NHLRC2: variants seen among roughly 807,000 people sequenced by gnomAD.
NHLRC2 encodes NHL repeat containing 2.
In NHLRC2, 33 loss-of-function variants were observed where a neutral mutation model predicts 68.1. That is an observed-to-expected ratio of 0.48 (90% confidence interval 0.37 to 0.65). The LOEUF is 0.65. Among genes scored for constraint, NHLRC2 ranks in the 30% least tolerant of loss-of-function variants. The probability of loss-of-function intolerance (pLI) is 0.00; values close to 1 mark genes in which losing one functional copy is unlikely to be tolerated. For synonymous variants in NHLRC2, 311 were observed against 309.6 expected (o/e 1.00, Z -0.05); for missense variants, 761 against 853.8 (o/e 0.89, Z 1.35).
At chr10:113,871,710 G>A (rs575065483) in intron 2 of NHLRC2, among the ~76,000 whole-genome samples, 44 of 152,234 alleles carry the variant, frequency 2.9e-4, no homozygotes, top group African/African-American at 1.1e-3. Flanking sequence ...GAATCTATCT[G>A]TGCTACTTCT....
intron 6 of NHLRC2, among the ~76,000 whole-genome samples, chr10:113,899,855 G>A (rs1452542513): frequency 6.6e-6 from 1 of 152,038 alleles, no homozygotes; most frequent in African/African-American, 2.4e-5. Flanking sequence ...GAGGCGGAAG[G>A]TTGCAGTGAG....
At chr10:113,883,592 A>G (rs1413897153) in intron 4 of NHLRC2, among the ~76,000 whole-genome samples, 4 of 151,832 alleles carry the variant, frequency 2.6e-5, no homozygotes, top group Non-Finnish European at 5.9e-5. Flanking sequence ...TGTTGGGGAG[A>G]GGGTCTCAGG....
chr10:113,877,247 CTTT>C (rs758830632), intron 3 of NHLRC2, among the ~76,000 whole-genome samples: 4 of 140,812 alleles, frequency 2.8e-5, no homozygotes, highest in Non-Finnish European at 3.1e-5. Flanking sequence ...TATATTCTAT[CTTT>C]TTTTTTTTTT....
At chr10:113,907,008 A>T (rs570433914) in intron 10 of NHLRC2, among the ~76,000 whole-genome samples, 1 of 152,240 alleles carries the variant, frequency 6.6e-6, no homozygotes, top group East Asian at 1.9e-4. Context: ...AATAAAATAT[A>T]AGAAGTTCTC....
Position 113,910,963 on chromosome 10 carries a change from G to A in NHLRC2, c.*2427G>A, listed in dbSNP as rs1326665134. On this transcript the variant is annotated 3_prime_UTR_variant, in exon 11 of 11. Coordinates refer to ENST00000369301, the MANE Select transcript of NHLRC2 (RefSeq NM_198514.4). ...TAGATAGGTTCCTAGAATTTATGAC[G>A]AGGATAAACCTCTCACATAAGAGGA... 6.6e-6 allele frequency: 1 copy of A among 152,090 alleles called. No individual in the cohort carries two copies. Among genetic ancestry groups the A allele is most frequent in the Non-Finnish European group, 1.5e-5 (1 of 67,964 alleles). 9.4% of individuals were successfully genotyped at this position (152,090 alleles called of 1,614,324 possible).
intron 5 of NHLRC2, among the ~76,000 whole-genome samples, chr10:113,897,794 A>C (rs1207441072): frequency 6.6e-6 from 1 of 152,246 alleles, no homozygotes; most frequent in Non-Finnish European, 1.5e-5. Context: ...GATGTTTAAA[A>C]CATTGTTAAT....
chr10:113,862,680 A>G (rs1845828504), intron 2 of NHLRC2, among the ~76,000 whole-genome samples: 1 of 152,232 alleles, frequency 6.6e-6, no homozygotes, highest in Non-Finnish European at 1.5e-5. Flanking sequence ...TGTCTTCAAG[A>G]GACTCACTTT....
chr10:113,893,449 G>A (rs1330974846), intron 5 of NHLRC2, among the ~76,000 whole-genome samples: 1 of 152,150 alleles, frequency 6.6e-6, no homozygotes, highest in Non-Finnish European at 1.5e-5. Flanking sequence ...TGAAGATGAT[G>A]ATAATAAGAC....
At position 113,886,760 on chromosome 10, in the gene NHLRC2, G is replaced by T. The variant is rs1356672276; in HGVS notation, c.1039+2380G>T. Among the ~76,000 whole-genome samples, 3 of 152,082 alleles carry T rather than the reference G, an allele frequency of 2.0e-5. No homozygotes were observed. The East Asian group carries it at 5.8e-4, about 29-fold the overall frequency. Reference sequence around the variant, plus strand: ...TTAAAGACTCACAAGGCCTGAAATGGTAAAGCTACAAGAAGAAAACAGGAA... The same window carrying T: ...TTAAAGACTCACAAGGCCTGAAATGTTAAAGCTACAAGAAGAAAACAGGAA... On this transcript the variant is annotated intron_variant, in intron 5 of 10. Coordinates refer to ENST00000369301, the MANE Select transcript of NHLRC2 (RefSeq NM_198514.4).
chr10:113,900,116 T>C (rs1371621955), intron 6 of NHLRC2, among the ~76,000 whole-genome samples: 5 of 152,140 alleles, frequency 3.3e-5, no homozygotes, highest in Admixed American at 2.6e-4. Flanking sequence ...GATCACACTG[T>C]GCCTTGTGAG....
intron 10 of NHLRC2, among the ~76,000 whole-genome samples, 183 bp from the exon 11 acceptor site, chr10:113,908,097 G>A (rs748552573): frequency 1.2e-4 from 18 of 152,032 alleles, no homozygotes; most frequent in Non-Finnish European, 2.2e-4. Flanking sequence ...ATCAGACTGG[G>A]AACTTCTAAT....
At chr10:113,877,970 A>G (rs1236630524) in intron 3 of NHLRC2, among the ~76,000 whole-genome samples, 1 of 152,320 alleles carries the variant, frequency 6.6e-6, no homozygotes, top group Non-Finnish European at 1.5e-5. Context: ...TTTAAAAGTT[A>G]ATAGATTCTG....
rs778938849 is a variant in NHLRC2 at position 113,876,625 on chromosome 10, G to A, written c.436G>A (p.Val146Ile). ...TCGATACAACATCACCCACCCTATG[G>A]TTAATGATGCAGATGCCAGCCTTTG... ...VLRYNITHPM[V>I]NDADASLWQE... is the part of the protein sequence containing the mutation. Residue 146 changes from valine (V) to isoleucine (I), a missense_variant, in exon 3 of 11, where the codon GTT becomes ATT. Coordinates refer to ENST00000369301, the MANE Select transcript of NHLRC2 (RefSeq NM_198514.4). The A allele has an allele frequency of 6.2e-7, 1 of 1,613,774 alleles. No individual in the cohort carries two copies. The highest frequency in any genetic ancestry group is 8.5e-7 in the Non-Finnish European group (1 of 1,179,784).
At chr10:113,906,176 AGG>A (rs1846273547) in intron 10 of NHLRC2, among the ~76,000 whole-genome samples, 1 of 152,228 alleles carries the variant, frequency 6.6e-6, no homozygotes, top group Non-Finnish European at 1.5e-5. Flanking sequence ...GTGTCACTGT[AGG>A]AGCAGTGTAC....
At chr10:113,905,195 T>C (rs1846265664) in intron 10 of NHLRC2, among the ~76,000 whole-genome samples, 159 bp downstream of exon 10, 1 of 152,224 alleles carries the variant, frequency 6.6e-6, no homozygotes, top group African/African-American at 2.4e-5. Flanking sequence ...GGCCATTTGC[T>C]TTACTCATCA....
intron 4 of NHLRC2, among the ~76,000 whole-genome samples, chr10:113,880,880 T>C (rs115221565): frequency 0.011 from 1,695 of 151,996 alleles, 26 homozygotes; most frequent in African/African-American, 0.037. Flanking sequence ...TGTGGGTTAA[T>C]ACATTAAAGC....
chr10:113,908,415 A>T lies in NHLRC2; in HGVS notation c.2060A>T (p.Tyr687Phe), dbSNP rs1229930861. 6.2e-7 allele frequency: 1 copy of T among 1,614,068 alleles called. No homozygotes were observed. The highest frequency in any genetic ancestry group is 1.7e-5 in the Admixed American group (1 of 60,010). Residue 687 changes from tyrosine (Y) to phenylalanine (F), a missense_variant, in exon 11 of 11, where the codon TAT becomes TTT. Transcript: ENST00000369301. The stretch of plus-strand genomic sequence containing the variant: ...ATTGTATCTGTCAGTGTGTTTCTTT[A>T]TTACTGTAGTGCAGACAGCAGTGCT... Reference protein sequence around the residue: ...EAIVSVSVFLYYCSADSSACM... With the variant: ...EAIVSVSVFLFYCSADSSACM...
chr10:113,894,476 C>T (rs892848618), intron 5 of NHLRC2, among the ~76,000 whole-genome samples: 2 of 152,126 alleles, frequency 1.3e-5, no homozygotes, highest in African/African-American at 4.8e-5. Context: ...TTGCTAAATT[C>T]CTGTATAAAA....
At chr10:113,908,196 A>T (rs573447468) in intron 10 of NHLRC2, 84 bp from the exon 11 acceptor site, 16 of 1,014,534 alleles carry the variant, frequency 1.6e-5, no homozygotes, top group South Asian at 4.6e-5. Flanking sequence ...ATATTTGTCG[A>T]TCGAGTTTAT....
Sources: gnomAD v4.1 joint callset for allele counts (sites outside exome capture counted in the v4.1 genomes callset) on GRCh38, gnomAD v4.1.1 for gene constraint, MANE v1.5 for transcripts, NCBI Gene and HGNC (gene_info 2026-07-23, HGNC 2026-07-21) for gene names.